Variants in GRIN2A observed in about 807,000 individuals in gnomAD.
The protein encoded by GRIN2A is glutamate receptor ionotropic, NMDA 2A.
A neutral mutation model predicts 113.4 loss-of-function variants in GRIN2A; 22 were observed. That is an observed-to-expected ratio of 0.19 (90% confidence interval 0.14 to 0.28). The LOEUF is 0.28. Among genes scored for constraint, GRIN2A ranks in the 10% least tolerant of loss-of-function variants. The pLI, the probability that GRIN2A is intolerant of heterozygous loss-of-function variation, is 1.00. For missense variants in GRIN2A, 1,502 were observed against 1,887.0 expected, an observed-to-expected ratio of 0.80 and a Z score of 3.78; for synonymous variants, 827 against 738.4, an observed-to-expected ratio of 1.12 and a Z score of -1.94.
In GRIN2A at chr16:10,029,747, C is replaced by A. The variant is rs568703987; in HGVS notation, c.415-91196G>T. ...ACAATGCTCACGCCTGTAATCCCAG[C>A]ACTTTGGGAGGCCGAAGGGGGTGTA... is the stretch of plus-strand genomic sequence containing the variant. On this transcript the variant is annotated intron_variant, in intron 2 of 12. Coordinates refer to ENST00000330684, the MANE Select transcript of GRIN2A (RefSeq NM_001134407.3). Among the ~76,000 whole-genome samples the A allele has an allele frequency of 1.5e-3, 223 of 152,176 alleles. 3 individuals are homozygous for A. Among genetic ancestry groups the A allele is most frequent in the African/African-American group, 4.9e-3 (203 of 41,544 alleles).
chr16:9,868,808 G>A (rs1419987051), intron 4 of GRIN2A, among the ~76,000 whole-genome samples: 1 of 152,112 alleles, frequency 6.6e-6, no homozygotes, highest in Non-Finnish European at 1.5e-5. Flanking sequence ...CTAATCACAG[G>A]CTTCTGAGTA....
intron 2 of GRIN2A, among the ~76,000 whole-genome samples, chr16:10,123,965 G>C (rs2048880066): frequency 6.6e-6 from 1 of 152,138 alleles, no homozygotes; most frequent in African/African-American, 2.4e-5. Flanking sequence ...CACTCAAGAG[G>C]TGAGCTGTTT....
intron 2 of GRIN2A, among the ~76,000 whole-genome samples, chr16:10,028,079 C>T (rs564051764): frequency 3.3e-5 from 5 of 152,340 alleles, no homozygotes; most frequent in South Asian, 2.1e-4. Flanking sequence ...AAAATGCCGA[C>T]ATCATCCTTG....
chr16:9,864,439 T>TC (rs2043126723), intron 4 of GRIN2A, among the ~76,000 whole-genome samples: 1 of 136,396 alleles, frequency 7.3e-6, no homozygotes, highest in African/African-American at 2.8e-5. Flanking sequence ...AAGTTTTTTT[T>TC]TAAATGAAAA....
chr16:9,962,849 T>C (rs572717757), intron 2 of GRIN2A, among the ~76,000 whole-genome samples: 6 of 152,122 alleles, frequency 3.9e-5, no homozygotes, highest in Admixed American at 1.3e-4. Context: ...CTATTCACAA[T>C]AGCAAAGACT....
intron 2 of GRIN2A, among the ~76,000 whole-genome samples, chr16:10,049,638 C>G (rs1331360533): frequency 1.3e-5 from 2 of 152,216 alleles, no homozygotes; most frequent in South Asian, 4.1e-4. Context: ...CTTGGCCTCC[C>G]AAAGTGCTGG....
At chr16:9,766,908 C>A (rs1004783057) in intron 12 of GRIN2A, among the ~76,000 whole-genome samples, 1 of 152,144 alleles carries the variant, frequency 6.6e-6, no homozygotes, top group African/African-American at 2.4e-5. Context: ...CCATTCCCAT[C>A]CTTTGGAAAG....
rs113553391 is a variant in GRIN2A, at chr16:9,756,124, CTGTG to C, written c.*7021_*7024del. The C allele has an allele frequency of 2.7e-5, 6 of 224,208 alleles. No individual in the cohort carries two copies. The highest frequency in any genetic ancestry group is 1.3e-3 in the Middle Eastern group (1 of 778). 13.9% of individuals were successfully genotyped at this position (224,208 alleles called of 1,614,324 possible). A position where few individuals can be genotyped will look rare whatever the true frequency, so the allele number is the denominator to read the frequency against. On this transcript the variant is annotated 3_prime_UTR_variant, in exon 13 of 13. Transcript: ENST00000330684. ...AGGACTTTAATGGAGGGTCACATGG[CTGTG>C]TGTGTGTGTGTGCATACCCACACAC...
chr16:10,031,664 C>T (rs1033553817), intron 2 of GRIN2A: 3 of 152,454 alleles, frequency 2.0e-5, no homozygotes, highest in South Asian at 4.1e-4. Context: ...CAGTTCTCCA[C>T]GTGGCCACCA....
chr16:9,947,061 C>T lies in GRIN2A; in HGVS notation c.415-8510G>A, dbSNP rs369654323. Among the ~76,000 whole-genome samples the T allele has an allele frequency of 2.6e-4, 39 of 152,328 alleles. 1 individual carries two copies. The South Asian group carries it at 7.4e-3, about 29-fold the overall frequency. On this transcript the variant is annotated intron_variant, in intron 2 of 12. Transcript: ENST00000330684. ...GAAAAAAATAATGTAACATGTTTAACTCATCTTCCTGAACTTGAATCAGAA... is the reference window on the plus strand; with the variant it reads ...GAAAAAAATAATGTAACATGTTTAATTCATCTTCCTGAACTTGAATCAGAA...
At chr16:9,933,009 C>A (rs963919198) in intron 3 of GRIN2A, among the ~76,000 whole-genome samples, 2 of 152,142 alleles carry the variant, frequency 1.3e-5, no homozygotes, top group African/African-American at 4.8e-5. Flanking sequence ...CCAAACAGGT[C>A]ATGGTTTACC....
chr16:10,032,133 C>T (rs1033396704), intron 2 of GRIN2A, among the ~76,000 whole-genome samples: 5 of 152,210 alleles, frequency 3.3e-5, no homozygotes, highest in African/African-American at 7.2e-5. Flanking sequence ...AGAAACAGCA[C>T]CTGGTTTTGG....
intron 4 of GRIN2A, among the ~76,000 whole-genome samples, chr16:9,874,970 C>A (rs779472085): frequency 1.1e-4 from 16 of 151,326 alleles, no homozygotes; most frequent in Non-Finnish European, 2.2e-4. Context: ...CACCTGTAGT[C>A]CCAGCTACTT....
intron 3 of GRIN2A, among the ~76,000 whole-genome samples, chr16:9,902,364 C>T (rs906465012): frequency 6.6e-6 from 1 of 152,146 alleles, no homozygotes; most frequent in African/African-American, 2.4e-5. Context: ...GGAGCAGTAG[C>T]AGCCATCTTG....
At chr16:9,968,095 C>T (rs1596371899) in intron 2 of GRIN2A, among the ~76,000 whole-genome samples, 1 of 152,198 alleles carries the variant, frequency 6.6e-6, no homozygotes, top group East Asian at 1.9e-4. Flanking sequence ...GTGATTCTTA[C>T]TCCCATTTTG....
rs574198989 is a variant in GRIN2A, at chr16:9,809,427, C to G, written c.2169-10963G>C. On this transcript the variant is annotated intron_variant, in intron 10 of 12. Coordinates refer to ENST00000330684, the MANE Select transcript of GRIN2A (RefSeq NM_001134407.3). The stretch of plus-strand genomic sequence containing the variant: ...CCTGGGCAACAGAGCAAGACTCTGT[C>G]TCAGAAAAACAAAAACATATGCAAA... Among the ~76,000 whole-genome samples, 37 of 152,166 alleles carry G rather than the reference C, an allele frequency of 2.4e-4. 1 individual carries two copies. The East Asian group carries it at 7.0e-3, about 29-fold the overall frequency.
chr16:9,979,680 G>C (rs751692800), intron 2 of GRIN2A, among the ~76,000 whole-genome samples: 2 of 151,560 alleles, frequency 1.3e-5, no homozygotes, highest in African/African-American at 4.8e-5. Flanking sequence ...TCATTCTCTA[G>C]TACAATGCCA....
At position 9,813,345 on chromosome 16, in the gene GRIN2A, A is replaced by T. The variant is rs369937870; in HGVS notation, c.2168+8919T>A. On this transcript the variant is annotated intron_variant, in intron 10 of 12. Coordinates refer to ENST00000330684, the MANE Select transcript of GRIN2A (RefSeq NM_001134407.3). ...TATGCGTTGACAATACAAGAATGAA[A>T]TGCAGGAAAAAATAGAGAATTATAG... 2.0e-4 allele frequency among the ~76,000 whole-genome samples: 30 copies of T among 152,348 alleles called. No individual in the cohort carries two copies. In the East Asian group the frequency reaches 5.6e-3, roughly 28 times the overall value.
intron 4 of GRIN2A, among the ~76,000 whole-genome samples, chr16:9,864,921 GTTA>G (rs1336973204): frequency 6.6e-6 from 1 of 152,170 alleles, no homozygotes; most frequent in Non-Finnish European, 1.5e-5. Flanking sequence ...GGCCCTGCTA[GTTA>G]TTATGAGGAT....
Sources: gnomAD v4.1 joint callset for allele counts (sites outside exome capture counted in the v4.1 genomes callset) on GRCh38, gnomAD v4.1.1 for gene constraint, MANE v1.5 for transcripts, NCBI Gene and HGNC (gene_info 2026-07-23, HGNC 2026-07-21) for gene names.